The following FRMD4A variants were observed in gnomAD, a reference collection of about 807,000 sequenced individuals.
FRMD4A encodes FERM domain containing 4A.
A neutral mutation model predicts 129.1 loss-of-function variants in FRMD4A; 29 were observed. That is an observed-to-expected ratio of 0.22 (90% confidence interval 0.17 to 0.31). The LOEUF (loss-of-function observed/expected upper bound fraction) is 0.31. Ranked by LOEUF, FRMD4A falls within the 10% of genes least tolerant of loss-of-function variation. The pLI, the probability that FRMD4A is intolerant of heterozygous loss-of-function variation, is 1.00. For synonymous variants in FRMD4A, 634 were observed against 571.6 expected (o/e 1.11, Z -1.56); for missense variants, 1,272 against 1,375.8 (o/e 0.92, Z 1.19).
At chr10:14,156,475 T>G (rs1840608860) in intron 2 of FRMD4A, among the ~76,000 whole-genome samples, 1 of 152,212 alleles carries the variant, frequency 6.6e-6, no homozygotes, top group Admixed American at 6.5e-5. Context: ...TTTATTTTTA[T>G]TACAAACATA....
intron 23 of FRMD4A, chr10:13,653,172 C>G (rs2081818907): frequency 6.6e-6 from 1 of 151,928 alleles, no homozygotes. Context: ...CCCTTTCTTG[C>G]CAAAAATGAA....
chr10:14,221,034 G>A (rs1330965720), intron 2 of FRMD4A, among the ~76,000 whole-genome samples: 1 of 152,084 alleles, frequency 6.6e-6, no homozygotes, highest in Non-Finnish European at 1.5e-5. Flanking sequence ...CTGCTGTATT[G>A]GCTGGATTGA....
chr10:13,939,398 AG>A (rs1483518844), intron 2 of FRMD4A, among the ~76,000 whole-genome samples: 1 of 152,202 alleles, frequency 6.6e-6, no homozygotes, highest in Non-Finnish European at 1.5e-5. Context: ...TTTTTCAGGA[AG>A]CATTTTAGCT....
chr10:13,749,206 T>G lies in FRMD4A; in HGVS notation c.465-1387A>C, dbSNP rs138198676. 3.5e-3 allele frequency among the ~76,000 whole-genome samples: 532 copies of G among 152,328 alleles called. 2 individuals carry two copies. Among genetic ancestry groups the G allele is most frequent in the African/African-American group, 0.012 (491 of 41,588 alleles). ...CCTTAGCCGGGGTTGCAAAGGCACA[T>G]GTAGGAGCATTCTGCCTTTGATTCG... On this transcript the variant is annotated intron_variant, in intron 8 of 24. Coordinates refer to ENST00000357447, the MANE Select transcript of FRMD4A (RefSeq NM_018027.5).
At chr10:13,745,460 G>A (rs2135067313) in intron 9 of FRMD4A, among the ~76,000 whole-genome samples, 1 of 152,330 alleles carries the variant, frequency 6.6e-6, no homozygotes, top group East Asian at 1.9e-4. Flanking sequence ...GTCTGAAGGA[G>A]GCTCAGGGAA....
At chr10:13,680,940 A>G (rs36086167) in intron 15 of FRMD4A, among the ~76,000 whole-genome samples, 2,159 of 152,212 alleles carry the variant, frequency 0.014, 43 homozygotes, top group African/African-American at 0.05. Context: ...GACTGGAGGG[A>G]AAGACACTGG....
intron 24 of FRMD4A, chr10:13,651,651 CAACAGAACAAGACTCTGTCTCAA>C: frequency 2.2e-6 from 1 of 453,356 alleles, no homozygotes; most frequent in Non-Finnish European, 4.0e-6. Flanking sequence ...CCAGCCTGGG[CAACAGAACAAGACTCTGTCTCAA>C]AACAAAACAT....
intron 8 of FRMD4A, among the ~76,000 whole-genome samples, chr10:13,750,203 C>CAT (rs1564739823): frequency 6.3e-4 from 11 of 17,356 alleles, no homozygotes; most frequent in African/African-American, 4.3e-3. Flanking sequence ...GAATCCTGAC[C>CAT]ATGACCAACT....
At chr10:13,886,293 G>A (rs919895719) in intron 2 of FRMD4A, among the ~76,000 whole-genome samples, 3 of 149,132 alleles carry the variant, frequency 2.0e-5, no homozygotes, top group Non-Finnish European at 3.0e-5. Flanking sequence ...CTGCAAAGAA[G>A]GCTGCATCAC....
chr10:14,093,856 G>A (rs1288184197), intron 2 of FRMD4A, among the ~76,000 whole-genome samples: 1 of 152,162 alleles, frequency 6.6e-6, no homozygotes, highest in African/African-American at 2.4e-5. Context: ...GCTTGCCTTT[G>A]AATTTCTTTT....
intron 2 of FRMD4A, among the ~76,000 whole-genome samples, chr10:14,256,876 A>G (rs550117194): frequency 6.6e-6 from 1 of 152,166 alleles, no homozygotes; most frequent in Non-Finnish European, 1.5e-5. Flanking sequence ...ACATATACAT[A>G]CTTACATGAA....
chr10:13,747,056 C>G (rs1339866999), intron 9 of FRMD4A, among the ~76,000 whole-genome samples: 5 of 152,100 alleles, frequency 3.3e-5, no homozygotes, highest in Admixed American at 2.6e-4. Context: ...CTCAAAACCT[C>G]ACACATGCTG....
At chr10:13,991,988 A>C (rs1249194353) in intron 2 of FRMD4A, 5 of 152,232 alleles carry the variant, frequency 3.3e-5, no homozygotes, top group Non-Finnish European at 5.9e-5. Context: ...AGCAAAGGTA[A>C]AAAGGTAAGT....
intron 2 of FRMD4A, among the ~76,000 whole-genome samples, chr10:14,277,481 G>A (rs1310807497): frequency 2.0e-5 from 3 of 152,166 alleles, no homozygotes; most frequent in African/African-American, 4.8e-5. Context: ...TGCCACCTAT[G>A]AGCCAAAAAG....
At chr10:14,095,017 T>C (rs562008658) in intron 2 of FRMD4A, among the ~76,000 whole-genome samples, 1 of 152,132 alleles carries the variant, frequency 6.6e-6, no homozygotes, top group South Asian at 2.1e-4. Flanking sequence ...TGTATATCTG[T>C]GTGTGTGTAC....
At chr10:14,240,581 C>T (rs1026905877) in intron 2 of FRMD4A, among the ~76,000 whole-genome samples, 1 of 152,124 alleles carries the variant, frequency 6.6e-6, no homozygotes, top group African/African-American at 2.4e-5. Flanking sequence ...CCTGGAGATT[C>T]GGATCCCCTC....
chr10:14,119,677 T>C (rs997067067), intron 2 of FRMD4A, among the ~76,000 whole-genome samples: 2 of 152,190 alleles, frequency 1.3e-5, no homozygotes, highest in Non-Finnish European at 2.9e-5. Flanking sequence ...CTCTCTGCTC[T>C]GATTAAATAA....
chr10:14,236,184 T>C (rs1443644707), intron 2 of FRMD4A, among the ~76,000 whole-genome samples: 3 of 152,216 alleles, frequency 2.0e-5, no homozygotes, highest in Non-Finnish European at 4.4e-5. Flanking sequence ...CCCTTTTCCT[T>C]AGTCCCATTT....
At chr10:13,944,245 C>G (rs910812102) in intron 2 of FRMD4A, among the ~76,000 whole-genome samples, 3 of 152,146 alleles carry the variant, frequency 2.0e-5, no homozygotes, top group Non-Finnish European at 4.4e-5. Context: ...CTGGGCTCCA[C>G]CTCCCATCAG....
Sources: allele counts gnomAD v4.1 joint callset (sites outside exome capture counted in the v4.1 genomes callset), GRCh38; gene constraint gnomAD v4.1.1; transcripts MANE v1.5; gene names NCBI Gene and HGNC (gene_info 2026-07-23, HGNC 2026-07-21).